Variants in SKAP2 observed in about 807,000 individuals in gnomAD.
SKAP2 encodes the protein src kinase associated phosphoprotein 2.
In SKAP2, 28 loss-of-function variants were observed where a neutral mutation model predicts 54.9. The ratio of observed to expected loss-of-function variants is 0.51; its 90% CI spans 0.38 to 0.70. SKAP2 has a LOEUF of 0.70. SKAP2 is among the 30% of genes least tolerant of loss of function. The pLI is 0.00. For synonymous variants in SKAP2, 137 were observed against 134.3 expected (o/e 1.02, Z -0.14); for missense variants, 356 against 424.1 (o/e 0.84, Z 1.41).
chr7:26,712,010 C>T (rs1366387236), intron 9 of SKAP2, among the ~76,000 whole-genome samples: 1 of 152,024 alleles, frequency 6.6e-6, no homozygotes, highest in Non-Finnish European at 1.5e-5. Flanking sequence ...AGAAAGAAGT[C>T]AATGATGGGT....
chr7:26,737,384 A>G (rs1362096944), intron 6 of SKAP2, among the ~76,000 whole-genome samples: 1 of 152,196 alleles, frequency 6.6e-6, no homozygotes, highest in Non-Finnish European at 1.5e-5. Context: ...CTACATCTGA[A>G]CATACTGTAA....
At position 26,730,081 on chromosome 7, in the gene SKAP2, A is replaced by G. The variant is rs539572258; in HGVS notation, c.470-3075T>C. Among the ~76,000 whole-genome samples the G allele has an allele frequency of 2.6e-5, 4 of 152,282 alleles. No homozygotes were observed. In the South Asian group the frequency reaches 6.2e-4, roughly 24 times the overall value. On this transcript the variant is annotated intron_variant, in intron 6 of 12. Transcript: ENST00000345317. The stretch of plus-strand genomic sequence containing the variant: ...GCAGAACCATAACCATGAAGTAGCC[A>G]TATCTCCAATTAGCCAATACAGGAC...
At chr7:26,757,424 T>C (rs930665624) in intron 4 of SKAP2, among the ~76,000 whole-genome samples, 1 of 152,210 alleles carries the variant, frequency 6.6e-6, no homozygotes, top group Non-Finnish European at 1.5e-5. Context: ...ATTTATTAAA[T>C]AGGGAATCCT....
intron 4 of SKAP2, among the ~76,000 whole-genome samples, chr7:26,792,274 T>C (rs1459361806): frequency 6.6e-6 from 1 of 152,200 alleles, no homozygotes; most frequent in Non-Finnish European, 1.5e-5. Flanking sequence ...ACTGTGCAAG[T>C]GGTTACCCAG....
chr7:26,706,796 TAAAG>T (rs1787167640), intron 9 of SKAP2, among the ~76,000 whole-genome samples: 1 of 152,238 alleles, frequency 6.6e-6, no homozygotes, highest in South Asian at 2.1e-4. Context: ...AGCCCCATTT[TAAAG>T]ATATATTCTA....
rs141881764 is a variant in SKAP2, at chr7:26,827,849, A to C, written c.307+16181T>G. Among the ~76,000 whole-genome samples, 70 of 152,344 alleles carry C rather than the reference A, an allele frequency of 4.6e-4. 1 individual carries two copies. In the East Asian group the frequency reaches 0.013, roughly 29 times the overall value. The stretch of plus-strand genomic sequence containing the variant: ...CGTTGACCAGTAACAAATAGATCAC[A>C]AATCAGGACCAGTCTTTAGGCCACA... On this transcript the variant is annotated intron_variant, in intron 4 of 12. Coordinates refer to ENST00000345317, the MANE Select transcript of SKAP2 (RefSeq NM_003930.5).
At chr7:26,782,628 C>T (rs1015748842) in intron 4 of SKAP2, among the ~76,000 whole-genome samples, 3 of 152,024 alleles carry the variant, frequency 2.0e-5, no homozygotes, top group Non-Finnish European at 4.4e-5. Context: ...GAATTTGAGG[C>T]TTCAGTGAGC....
At chr7:26,776,165 CA>C (rs1783303605) in intron 4 of SKAP2, among the ~76,000 whole-genome samples, 1 of 152,096 alleles carries the variant, frequency 6.6e-6, no homozygotes, top group African/African-American at 2.4e-5. Flanking sequence ...TCGTTTTATA[CA>C]GTTTTTCAGT....
the SKAP2 span, among the ~76,000 whole-genome samples, chr7:26,655,572 G>A: frequency 1.3e-5 from 2 of 152,266 alleles, no homozygotes; most frequent in African/African-American, 4.8e-5. Context: ...ACTGTTTAAT[G>A]TCATTAAGGG....
At chr7:26,783,993 T>C (rs903300943) in intron 4 of SKAP2, among the ~76,000 whole-genome samples, 2 of 151,916 alleles carry the variant, frequency 1.3e-5, no homozygotes, top group African/African-American at 4.8e-5. Context: ...AAAGAAATCT[T>C]ATCTGAACTG....
chr7:26,857,553 G>GA (rs1785197251), intron 1 of SKAP2: 1 of 985,296 alleles, frequency 1.0e-6, no homozygotes, highest in African/African-American at 1.7e-5. Flanking sequence ...CACCGATCCT[G>GA]ATCTCGCAAC....
At chr7:26,813,996 G>C (rs535888530) in intron 4 of SKAP2, among the ~76,000 whole-genome samples, 5 of 152,188 alleles carry the variant, frequency 3.3e-5, no homozygotes, top group African/African-American at 9.6e-5. Flanking sequence ...TCATGAGCTG[G>C]CATTTGAGAC....
intron 4 of SKAP2, among the ~76,000 whole-genome samples, chr7:26,747,648 T>A (rs961519382): frequency 1.3e-5 from 2 of 152,190 alleles, no homozygotes; most frequent in African/African-American, 4.8e-5. Flanking sequence ...GCATGTAAGA[T>A]ATGCTCATGA....
intron 9 of SKAP2, among the ~76,000 whole-genome samples, chr7:26,697,742 A>C (rs1786926864): frequency 6.6e-6 from 1 of 152,140 alleles, no homozygotes; most frequent in African/African-American, 2.4e-5. Flanking sequence ...GATAAGCAAA[A>C]TAAATAAATA....
chr7:26,770,789 T>C (rs1471675920), intron 4 of SKAP2, among the ~76,000 whole-genome samples: 1 of 152,184 alleles, frequency 6.6e-6, no homozygotes, highest in Non-Finnish European at 1.5e-5. Context: ...CTGCATCCAC[T>C]GTCTAACCAG....
intron 9 of SKAP2, among the ~76,000 whole-genome samples, chr7:26,700,484 C>T (rs371971233): frequency 6.6e-6 from 1 of 152,216 alleles, no homozygotes; most frequent in Non-Finnish European, 1.5e-5. Flanking sequence ...TGCTGGGACT[C>T]AAGCTGCAGT....
chr7:26,766,449 T>C (rs551003883), intron 4 of SKAP2, among the ~76,000 whole-genome samples: 2 of 152,330 alleles, frequency 1.3e-5, no homozygotes, highest in African/African-American at 4.8e-5. Flanking sequence ...TCTTCCTATT[T>C]GAATACCCTT....
chr7:26,676,521 C>T (rs1471917903), intron 11 of SKAP2, among the ~76,000 whole-genome samples: 1 of 152,100 alleles, frequency 6.6e-6, no homozygotes, highest in African/African-American at 2.4e-5. Flanking sequence ...TGTTGAGCCT[C>T]GATTTCTTTA....
At chr7:26,683,992 A>G (rs1273548543) in intron 11 of SKAP2, among the ~76,000 whole-genome samples, 1 of 152,160 alleles carries the variant, frequency 6.6e-6, no homozygotes, top group Non-Finnish European at 1.5e-5. Flanking sequence ...AAATCCCCAT[A>G]TTACGATAGG....
Sources: gnomAD v4.1 joint callset for allele counts (sites outside exome capture counted in the v4.1 genomes callset) on GRCh38, gnomAD v4.1.1 for gene constraint, MANE v1.5 for transcripts, NCBI Gene and HGNC (gene_info 2026-07-23, HGNC 2026-07-21) for gene names.